Variants in WASF1 observed in about 807,000 individuals in gnomAD.
WASF1 encodes the protein WASP family member 1.
In WASF1, 7 loss-of-function variants were observed where a neutral mutation model predicts 50.5. The observed-to-expected ratio is 0.14, with a 90% CI of 0.08 to 0.26. The LOEUF (loss-of-function observed/expected upper bound fraction) is 0.26, where lower values mean the gene tolerates loss of function less well. Among genes scored for constraint, WASF1 ranks in the 10% least tolerant of loss-of-function variants. The probability of loss-of-function intolerance (pLI) is 1.00; values close to 1 mark genes in which losing one functional copy is unlikely to be tolerated. For missense variants in WASF1, 470 were observed against 694.7 expected (o/e 0.68, Z 3.64); for synonymous variants, 205 against 244.0 (o/e 0.84, Z 1.49).
intron 9 of WASF1, among the ~76,000 whole-genome samples, chr6:110,103,057 T>A (rs1773161986): frequency 6.6e-6 from 1 of 152,190 alleles, no homozygotes; most frequent in African/African-American, 2.4e-5. Context: ...TATAATAAAA[T>A]GAAACAGGCT....
rs572447116 is a variant in WASF1, at chr6:110,134,714, C to T, written c.-28-7085G>A. Among the ~76,000 whole-genome samples the T allele has an allele frequency of 7.9e-5, 12 of 152,270 alleles. No individual in the cohort carries two copies. The South Asian group carries it at 2.3e-3, about 29-fold the overall frequency. On this transcript the variant is annotated intron_variant, in intron 3 of 10. Coordinates refer to ENST00000392589, the MANE Select transcript of WASF1 (RefSeq NM_003931.3). The stretch of plus-strand genomic sequence containing the variant: ...GTGCAGGGATTACAGGTGTGAGCCA[C>T]CGCACCCGGCCTATGTGCCTATTTT...
intron 7 of WASF1, among the ~76,000 whole-genome samples, chr6:110,106,513 T>C (rs1773331845): frequency 6.6e-6 from 1 of 152,218 alleles, no homozygotes; most frequent in Admixed American, 6.5e-5. Flanking sequence ...CTTCTGTGTT[T>C]TCAGTTATCA....
At chr6:110,105,649 C>G (rs563554586) in intron 7 of WASF1, 70 bp from the exon 8 acceptor site, 2 of 1,417,248 alleles carry the variant, frequency 1.4e-6, no homozygotes, top group East Asian at 2.3e-5. Context: ...TTATAACAAT[C>G]AAATTAAACT....
At chr6:110,142,939 T>C (rs1471043965) in intron 3 of WASF1, among the ~76,000 whole-genome samples, 1 of 121,298 alleles carries the variant, frequency 8.2e-6, no homozygotes, top group South Asian at 2.8e-4. Flanking sequence ...AGTAATTTGG[T>C]TTCCCAATGA....
At chr6:110,153,370 G>A (rs1775908780) in intron 3 of WASF1, among the ~76,000 whole-genome samples, 1 of 152,064 alleles carries the variant, frequency 6.6e-6, no homozygotes, top group Non-Finnish European at 1.5e-5. Context: ...CCTTATGGCA[G>A]ATAAAAATAA....
chr6:110,160,670 C>T lies in WASF1; in HGVS notation c.-64G>A, dbSNP rs148160205. ...TTAACGATTTTGCAGCCATAGCTTC[C>T]ACTGCAACTTTACTCCAACAGCTAT... On this transcript the variant is annotated 5_prime_UTR_variant, in exon 3 of 11. An upstream open reading frame in the 5' UTR gains an earlier in-frame stop. Coordinates refer to ENST00000392589, the MANE Select transcript of WASF1 (RefSeq NM_003931.3). The T allele has an allele frequency of 1.1e-4, 17 of 151,800 alleles. No individual in the cohort carries two copies. In the East Asian group the frequency reaches 3.3e-3, roughly 29 times the overall value. 9.4% of individuals were successfully genotyped at this position (151,800 alleles called of 1,614,324 possible). A position where few individuals can be genotyped will look rare whatever the true frequency, so the allele number is the denominator to read the frequency against.
chr6:110,152,769 C>T (rs974440309), intron 3 of WASF1, among the ~76,000 whole-genome samples: 11 of 152,108 alleles, frequency 7.2e-5, no homozygotes, highest in African/African-American at 2.7e-4. Flanking sequence ...TGTGGTAATT[C>T]GTTAAGCAGT....
rs2114590005 is a variant in WASF1 at position 110,155,021 on chromosome 6, C to T, written c.-29+5614G>A. On this transcript the variant is annotated intron_variant, in intron 3 of 10. Coordinates refer to ENST00000392589, the MANE Select transcript of WASF1 (RefSeq NM_003931.3). Reference sequence around the variant, plus strand: ...GCTAGTATTAATGAAATAGATACTTCTGAAAGAGATACCTTCACAGTGGAA... The same window carrying T: ...GCTAGTATTAATGAAATAGATACTTTTGAAAGAGATACCTTCACAGTGGAA... Among the ~76,000 whole-genome samples, 3 of 152,154 alleles carry T rather than the reference C, an allele frequency of 2.0e-5. No individual in the cohort carries two copies. The South Asian group carries it at 6.2e-4, about 32-fold the overall frequency.
chr6:110,148,588 T>C (rs1775685040), intron 3 of WASF1, among the ~76,000 whole-genome samples: 1 of 152,066 alleles, frequency 6.6e-6, no homozygotes, highest in Non-Finnish European at 1.5e-5. Flanking sequence ...TCAGAGACTC[T>C]AGGGTTAGTA....
chr6:110,124,226 CCTCTCTCTCCTCT>C (rs1273297815), intron 4 of WASF1, among the ~76,000 whole-genome samples: 6 of 60,618 alleles, frequency 9.9e-5, no homozygotes, highest in African/African-American at 6.7e-4. Context: ...TCCTCTCTCT[CCTCTCTCTCCTCT>C]CTCTCTCTCT....
intron 2 of WASF1, among the ~76,000 whole-genome samples, chr6:110,176,836 C>T (rs1267937978): frequency 2.0e-5 from 3 of 152,074 alleles, no homozygotes; most frequent in East Asian, 1.9e-4. Context: ...TTCTCAAAAA[C>T]GAAACCATAC....
intron 5 of WASF1, among the ~76,000 whole-genome samples, chr6:110,110,620 A>G (rs533023447): frequency 2.0e-5 from 3 of 152,354 alleles, no homozygotes; most frequent in African/African-American, 7.2e-5. Context: ...GCCAACAATA[A>G]CATCTGATAT....
At chr6:110,160,348 T>A (rs1378406922) in intron 3 of WASF1, among the ~76,000 whole-genome samples, 1 of 151,772 alleles carries the variant, frequency 6.6e-6, no homozygotes, top group African/African-American at 2.4e-5. Context: ...CTGTTGGTAG[T>A]TGGAAACAAG....
chr6:110,114,444 A>G (rs1364329277), intron 4 of WASF1, among the ~76,000 whole-genome samples: 1 of 152,234 alleles, frequency 6.6e-6, no homozygotes, highest in Non-Finnish European at 1.5e-5. Context: ...TCATGAAGCC[A>G]TTGCTGCAGA....
intron 3 of WASF1, among the ~76,000 whole-genome samples, chr6:110,151,832 G>A (rs1775838961): frequency 6.6e-6 from 1 of 151,996 alleles, no homozygotes; most frequent in Non-Finnish European, 1.5e-5. Flanking sequence ...TTTCCCCACT[G>A]GACATGGAAA....
intron 3 of WASF1, among the ~76,000 whole-genome samples, chr6:110,131,744 T>C (rs1774681554): frequency 6.6e-6 from 1 of 152,148 alleles, no homozygotes; most frequent in African/African-American, 2.4e-5. Context: ...CTCAGACAAT[T>C]GACCCACCTC....
rs1583922890 is a variant in WASF1 at position 110,106,356 on chromosome 6, A to G, written c.540+721T>C. Among the ~76,000 whole-genome samples, 10 of 152,236 alleles carry G rather than the reference A, an allele frequency of 6.6e-5. No homozygotes were observed. In the South Asian group the frequency reaches 2.1e-3, roughly 31 times the overall value. On this transcript the variant is annotated intron_variant, in intron 7 of 10. Transcript: ENST00000392589. Reference sequence around the variant, plus strand: ...CCAATTTGCAAATGTTAGCTAGAACACTGGGTTACCATCTAGCAAAGAAGA... The same window carrying G: ...CCAATTTGCAAATGTTAGCTAGAACGCTGGGTTACCATCTAGCAAAGAAGA...
At chr6:110,114,979 C>G (rs977431277) in intron 4 of WASF1, among the ~76,000 whole-genome samples, 1 of 151,846 alleles carries the variant, frequency 6.6e-6, no homozygotes, top group Non-Finnish European at 1.5e-5. Flanking sequence ...GTAGTCCCAG[C>G]TACTTGGGGA....
chr6:110,154,131 G>A (rs1383749213), intron 3 of WASF1, among the ~76,000 whole-genome samples: 1 of 152,032 alleles, frequency 6.6e-6, no homozygotes, highest in Non-Finnish European at 1.5e-5. Flanking sequence ...TTTGAATGAC[G>A]GCAAGGAAGA....
Sources: allele counts gnomAD v4.1 joint callset (sites outside exome capture counted in the v4.1 genomes callset), GRCh38; gene constraint gnomAD v4.1.1; transcripts MANE v1.5; gene names NCBI Gene and HGNC (gene_info 2026-07-23, HGNC 2026-07-21).